ZBTB7A: variants seen among roughly 807,000 people sequenced by gnomAD.
The protein encoded by ZBTB7A is zinc finger and BTB domain-containing protein 7A.
Under a neutral mutation model 26.7 loss-of-function variants are expected in ZBTB7A, and 7 were observed. That is an observed-to-expected ratio of 0.26 (90% CI 0.15 to 0.49). The LOEUF is 0.49. Ranked by LOEUF, ZBTB7A falls within the 20% of genes least tolerant of loss-of-function variation. ZBTB7A has a pLI of 0.98. For missense variants in ZBTB7A, 617 were observed against 919.5 expected, an observed-to-expected ratio of 0.67 and a Z score of 4.25; for synonymous variants, 452 against 441.0, an observed-to-expected ratio of 1.02 and a Z score of -0.31.
chr19:4,048,023 G>T lies in ZBTB7A; in HGVS notation c.1484C>A (p.Ser495Ter). Residue 495 changes from serine to a stop codon, truncating the protein, a stop_gained, in exon 3 of 3, where the codon TCG becomes TAG. Coordinates refer to ENST00000322357, the MANE Select transcript of ZBTB7A (RefSeq NM_015898.4). LOFTEE classifies it low-confidence loss of function (END_TRUNC). This position sits in a 1 kb window ranked among gnomAD's most constrained non-coding sequence, Gnocchi z 6.7. The stretch of plus-strand genomic sequence containing the variant: ...GACGCGGGGCTTGCGGCCGCGGCGC[G>T]AGGGGACGCCGTTGCAGCCGTCTTT... Reference protein sequence around the residue: ...LKKDGCNGVPSRRGRKPRVRG... With the variant: ...LKKDGCNGVP 1 of 1,500,018 alleles carries T rather than the reference G, an allele frequency of 6.7e-7. No individual in the cohort carries two copies. The allele number at this position is 1,500,018 out of a possible 1,614,324, so 92.9% of individuals were successfully genotyped here.
chr19:4,047,843 C>G lies in ZBTB7A; in HGVS notation c.1664G>C (p.Arg555Pro). Residue 555 changes from arginine (R) to proline (P), a missense_variant, in exon 3 of 3, where the codon CGG becomes CCG. Transcript: ENST00000322357. ...TCCACCGGCGCCCGCTACATTCAACCGGCCCAAGCCGTCGGGGCTGGCCAC... is the reference window on the plus strand; with the variant it reads ...TCCACCGGCGCCCGCTACATTCAACGGGCCCAAGCCGTCGGGGCTGGCCAC... Reference protein sequence around the residue: ...EDVASPDGLGRLNVAGAGGGG... With the variant: ...EDVASPDGLGPLNVAGAGGGG... The G allele has an allele frequency of 6.2e-7, 1 of 1,605,786 alleles. No homozygotes were observed.
At chr19:4,056,958 C>T (rs1235687946) in intron 1 of ZBTB7A, among the ~76,000 whole-genome samples, 16 of 140,792 alleles carry the variant, frequency 1.1e-4, no homozygotes, top group Admixed American at 9.1e-4. Flanking sequence ...ACCCGGGAGG[C>T]GAAGGTTGTG....
chr19:4,051,090 T>A (rs1181843612), intron 2 of ZBTB7A, among the ~76,000 whole-genome samples: 1 of 86,542 alleles, frequency 1.2e-5, no homozygotes, highest in Non-Finnish European at 2.0e-5. Flanking sequence ...AGAGCAAGAC[T>A]CGTCTCAAAA....
intron 1 of ZBTB7A, among the ~76,000 whole-genome samples, chr19:4,063,116 A>G (rs1271824734): frequency 6.6e-6 from 1 of 152,068 alleles, no homozygotes; most frequent in Non-Finnish European, 1.5e-5. Flanking sequence ...TGTCTCACGC[A>G]GTTCTGACCC....
At chr19:4,053,137 G>A (rs978712630) in intron 2 of ZBTB7A, among the ~76,000 whole-genome samples, 6 of 152,210 alleles carry the variant, frequency 3.9e-5, no homozygotes, top group African/African-American at 1.4e-4. Context: ...AGAAGAACCA[G>A]CCCTCCAGGA....
chr19:4,052,704 G>A lies in ZBTB7A; in HGVS notation c.1262+1267C>T, dbSNP rs558058571. On this transcript the variant is annotated intron_variant, in intron 2 of 2. Coordinates refer to ENST00000322357, the MANE Select transcript of ZBTB7A (RefSeq NM_015898.4). This position sits in a 1 kb window ranked among gnomAD's most constrained non-coding sequence, Gnocchi z 4.9. ...CCCCCTGCCCCCACCGCTACAGCCC[G>A]CCCCGGATCTACGAGGCCCAGCCAG... is the stretch of plus-strand genomic sequence containing the variant. Among the ~76,000 whole-genome samples, 85 of 151,490 alleles carry A rather than the reference G, an allele frequency of 5.6e-4. No homozygotes were observed. The East Asian group carries it at 0.014, about 25-fold the overall frequency.
At chr19:4,049,579 G>C (rs2040475002) in intron 2 of ZBTB7A, among the ~76,000 whole-genome samples, 1 of 152,058 alleles carries the variant, frequency 6.6e-6, no homozygotes, top group African/African-American at 2.4e-5. Flanking sequence ...GTGACAGATA[G>C]GGTGACCAAC....
At chr19:4,051,096 CAAAAAAAAA>C (rs71166952) in intron 2 of ZBTB7A, among the ~76,000 whole-genome samples, 2 of 42,426 alleles carry the variant, frequency 4.7e-5, no homozygotes, top group African/African-American at 2.0e-4. Flanking sequence ...AGACTCGTCT[CAAAAAAAAA>C]AAAAAAAAAA....
chr19:4,051,830 T>C (rs1157965125), intron 2 of ZBTB7A, among the ~76,000 whole-genome samples: 2 of 152,348 alleles, frequency 1.3e-5, no homozygotes, highest in East Asian at 3.9e-4. Context: ...TGCCTGGAGC[T>C]GCACAGCAGG....
intron 1 of ZBTB7A, among the ~76,000 whole-genome samples, chr19:4,064,826 C>T (rs938412536): frequency 1.3e-5 from 2 of 152,156 alleles, no homozygotes; most frequent in Non-Finnish European, 2.9e-5. Context: ...TGCTGCCTCC[C>T]CCCGCCTCGC....
At position 4,043,463 on chromosome 19, in the gene ZBTB7A, T is replaced by TC. The variant is rs2040370448; in HGVS notation, c.*4288_*4289insG. 6.6e-6 allele frequency among the ~76,000 whole-genome samples: 1 copy of TC among 151,700 alleles called. No individual in the cohort carries two copies. The highest frequency in any genetic ancestry group is 2.1e-4 in the South Asian group (1 of 4,812). ...AAGTGCATTTTTATCAGTTTTTTTT[T>TC]TTTTTAAATCTCCCACACTTTATAA... On this transcript the variant is annotated 3_prime_UTR_variant, in exon 3 of 3. Coordinates refer to ENST00000322357, the MANE Select transcript of ZBTB7A (RefSeq NM_015898.4).
rs2040517957 is a variant in ZBTB7A at position 4,052,817 on chromosome 19, CA to C, written c.1262+1153del. Among the ~76,000 whole-genome samples the C allele has an allele frequency of 6.6e-6, 1 of 152,224 alleles. No individual in the cohort carries two copies. On this transcript the variant is annotated intron_variant, in intron 2 of 2. Transcript: ENST00000322357. The surrounding 1 kb of genome is among the most constrained non-coding windows in gnomAD (Gnocchi z 4.9). ...TTTAGGGACCAAGTCCTGTGGCTCC[CA>C]GGGGGGCACAGTGATCTCTCAAGCT...
At chr19:4,065,936 C>G (rs2040691868) in intron 1 of ZBTB7A, among the ~76,000 whole-genome samples, 1 of 143,300 alleles carries the variant, frequency 7.0e-6, no homozygotes, top group Admixed American at 6.8e-5. Flanking sequence ...CCCCGCGCCG[C>G]GCCGCGCGAT....
At chr19:4,057,065 A>G (rs1022495001) in intron 1 of ZBTB7A, among the ~76,000 whole-genome samples, 239 of 149,864 alleles carry the variant, frequency 1.6e-3, no homozygotes, top group Non-Finnish European at 6.8e-4. Flanking sequence ...AAAAAAAAAA[A>G]GGGCTGGGCA....
intron 1 of ZBTB7A, among the ~76,000 whole-genome samples, chr19:4,059,388 C>A (rs964761638): frequency 2.6e-5 from 4 of 152,140 alleles, no homozygotes; most frequent in African/African-American, 9.7e-5. Context: ...GTCCGGGGGT[C>A]CCAGTCTCTG....
In ZBTB7A at chr19:4,063,606, T is replaced by G. The variant is rs537285650; in HGVS notation, c.-16+3076A>C. Among the ~76,000 whole-genome samples the G allele has an allele frequency of 2.0e-5, 3 of 152,246 alleles. No homozygotes were observed. In the South Asian group the frequency reaches 6.2e-4, roughly 32 times the overall value. ...TCAATGTCATCTTCGGACACAGGGT[T>G]TAATAAGCCTCGGTGACACTCCATT... On this transcript the variant is annotated intron_variant, in intron 1 of 2. Coordinates refer to ENST00000322357, the MANE Select transcript of ZBTB7A (RefSeq NM_015898.4).
At position 4,043,857 on chromosome 19, in the gene ZBTB7A, C is replaced by A. The variant is rs1010767548; in HGVS notation, c.*3895G>T. ...CAGCCACCCACCACCCCCCCCCCCC[C>A]ACCTCCAGGAAGGCTGCTTCAACTT... On this transcript the variant is annotated 3_prime_UTR_variant, in exon 3 of 3. Coordinates refer to ENST00000322357, the MANE Select transcript of ZBTB7A (RefSeq NM_015898.4). 3.5e-5 allele frequency among the ~76,000 whole-genome samples: 5 copies of A among 142,040 alleles called. No individual in the cohort carries two copies. The highest frequency in any genetic ancestry group is 2.1e-4 in the East Asian group (1 of 4,814). 93.2% of individuals were successfully genotyped at this position (142,040 alleles called of 152,430 possible). A position where few individuals can be genotyped will look rare whatever the true frequency, so the allele number is the denominator to read the frequency against.
In ZBTB7A at chr19:4,045,598, TG is replaced by T. The variant is rs2144964091; in HGVS notation, c.*2153del. ...AGAAAAAGAGACGAGAAGATGTGTG[TG>T]TCACAGAGAAGGGGGTATGGGGGGG... is the stretch of plus-strand genomic sequence containing the variant. On this transcript the variant is annotated 3_prime_UTR_variant, in exon 3 of 3. Coordinates refer to ENST00000322357, the MANE Select transcript of ZBTB7A (RefSeq NM_015898.4). The surrounding 1 kb of genome is among the most constrained non-coding windows in gnomAD (Gnocchi z 4.1). 3.6e-6 allele frequency: 1 copy of T among 280,280 alleles called. No individual in the cohort carries two copies. The highest frequency in any genetic ancestry group is 1.8e-4 in the South Asian group (1 of 5,426). The allele number at this position is 280,280 out of a possible 1,614,324, so 17.4% of individuals were successfully genotyped here. A position where few individuals can be genotyped will look rare whatever the true frequency, so the allele number is the denominator to read the frequency against.
rs566921824 is a variant in ZBTB7A, at chr19:4,045,780, C to T, written c.*1972G>A. The T allele has an allele frequency of 5.0e-6, 2 of 397,862 alleles. No individual in the cohort carries two copies. The highest frequency in any genetic ancestry group is 8.9e-6 in the Non-Finnish European group (2 of 225,924). The allele number at this position is 397,862 out of a possible 1,614,324, so 24.6% of individuals were successfully genotyped here. On this transcript the variant is annotated 3_prime_UTR_variant, in exon 3 of 3. Transcript: ENST00000322357. This position sits in a 1 kb window ranked among gnomAD's most constrained non-coding sequence, Gnocchi z 4.1. ...CGACATAGTCTCCCCAACCCCGGCC[C>T]CTGTCCGTGGCCTGTGGCTCGGTCA...
Sources: allele counts gnomAD v4.1 joint callset (sites outside exome capture counted in the v4.1 genomes callset), GRCh38; gene constraint gnomAD v4.1.1; non-coding constraint Gnocchi (gnomAD v3.1); transcripts MANE v1.5; gene names NCBI Gene and HGNC (gene_info 2026-07-23, HGNC 2026-07-21).